The following BAZ2B variants were observed in gnomAD, a reference collection of about 807,000 sequenced individuals.
BAZ2B encodes the protein bromodomain adjacent to zinc finger domain 2B, also known as bromodomain adjacent to zinc finger domain protein 2B.
BAZ2B carries 91 observed loss-of-function variants against 246.0 expected under a neutral mutation model. The observed-to-expected ratio is 0.37, with a 90% CI of 0.31 to 0.44. The LOEUF is 0.44. Ranked by LOEUF, BAZ2B falls within the 20% of genes least tolerant of loss-of-function variation. The pLI is 1.00. For synonymous variants in BAZ2B, 855 were observed against 860.0 expected (o/e 0.99, Z 0.10); for missense variants, 2,332 against 2,533.7 (o/e 0.92, Z 1.71).
chr2:159,476,171 AG>A (rs953760139), intron 3 of BAZ2B, among the ~76,000 whole-genome samples: 2 of 152,122 alleles, frequency 1.3e-5, no homozygotes, highest in Non-Finnish European at 2.9e-5. Context: ...GCTCTGTCCC[AG>A]GGGTATGGGA....
chr2:159,612,084 T>C (rs1163565935), intron 1 of BAZ2B, among the ~76,000 whole-genome samples: 1 of 151,996 alleles, frequency 6.6e-6, no homozygotes, highest in Non-Finnish European at 1.5e-5. Flanking sequence ...AAATATAATT[T>C]CATTTTTTAA....
chr2:159,548,482 C>T (rs1400008277), intron 2 of BAZ2B, among the ~76,000 whole-genome samples: 1 of 152,016 alleles, frequency 6.6e-6, no homozygotes, highest in Non-Finnish European at 1.5e-5. Flanking sequence ...CTTTCCAAGT[C>T]TCAGTTTGGG....
intron 13 of BAZ2B, among the ~76,000 whole-genome samples, chr2:159,422,150 T>C (rs763137436): frequency 1.3e-5 from 2 of 152,142 alleles, no homozygotes; most frequent in African/African-American, 2.4e-5. Flanking sequence ...ATCAATATTG[T>C]CAAAATGGCC....
At chr2:159,326,836 T>A (rs2063782826) in intron 34 of BAZ2B, among the ~76,000 whole-genome samples, 1 of 152,108 alleles carries the variant, frequency 6.6e-6, no homozygotes, top group Admixed American at 6.6e-5. Context: ...AGAAAAAAAA[T>A]CTGCCTTTTG....
At chr2:159,477,659 GTTAAAA>G (rs1413769664) in intron 3 of BAZ2B, among the ~76,000 whole-genome samples, 1 of 152,036 alleles carries the variant, frequency 6.6e-6, no homozygotes, top group Non-Finnish European at 1.5e-5. Flanking sequence ...ATAAGAAATA[GTTAAAA>G]TTAAAATGTT....
intron 27 of BAZ2B, among the ~76,000 whole-genome samples, chr2:159,369,614 G>A (rs1324663561): frequency 6.6e-6 from 1 of 152,128 alleles, no homozygotes; most frequent in Non-Finnish European, 1.5e-5. Context: ...GATACTTCAA[G>A]TTTACATGCC....
In BAZ2B at chr2:159,405,044, A is replaced by G; in HGVS notation, c.2748T>C (p.Ala916=). The G allele has an allele frequency of 4.3e-6, 7 of 1,614,016 alleles. 1 individual carries two copies. Among genetic ancestry groups the G allele is most frequent in the Non-Finnish European group, 5.9e-6 (7 of 1,179,964 alleles). The change falls in exon 15 of 37, where the codon GCT becomes GCC. Residue 916 remains alanine, a synonymous_variant. Coordinates refer to ENST00000392783, the MANE Select transcript of BAZ2B (RefSeq NM_013450.4). The part of the protein sequence containing the change: ...KLQKQEQARV[A]KEAKKQQAIM... Reference sequence around the variant, plus strand: ...CACCTTGTTGTTTTTTGGCTTCTTTAGCAACCCGAGCCTGTTCCTGCTTTT... The same window carrying G: ...CACCTTGTTGTTTTTTGGCTTCTTTGGCAACCCGAGCCTGTTCCTGCTTTT...
chr2:159,398,658 A>C (rs2064450322), intron 18 of BAZ2B, among the ~76,000 whole-genome samples, 171 bp downstream of exon 18: 1 of 152,252 alleles, frequency 6.6e-6, no homozygotes, highest in South Asian at 2.1e-4. Flanking sequence ...ATAAAAATAC[A>C]CATACAATAT....
At chr2:159,325,516 T>C (rs1335874875) in intron 35 of BAZ2B, 137 bp downstream of exon 35, 2 of 922,256 alleles carry the variant, frequency 2.2e-6, no homozygotes, top group South Asian at 1.7e-5. Flanking sequence ...TTTACTTATA[T>C]ATTTTCTTAA....
intron 13 of BAZ2B, among the ~76,000 whole-genome samples, chr2:159,415,751 A>G (rs2067600330): frequency 6.6e-6 from 1 of 152,214 alleles, no homozygotes; most frequent in African/African-American, 2.4e-5. Flanking sequence ...ACGTTATAAC[A>G]TGATTTGCCT....
chr2:159,547,747 T>C (rs961894500), intron 2 of BAZ2B, among the ~76,000 whole-genome samples: 4 of 152,224 alleles, frequency 2.6e-5, no homozygotes, highest in African/African-American at 9.6e-5. Context: ...TATTCTCTGA[T>C]GTTTCCATAA....
intron 3 of BAZ2B, among the ~76,000 whole-genome samples, chr2:159,466,774 C>T (rs964765027): frequency 6.6e-6 from 1 of 152,288 alleles, no homozygotes; most frequent in South Asian, 2.1e-4. Flanking sequence ...GACTGATGTC[C>T]TAGATCAATC....
intron 6 of BAZ2B, among the ~76,000 whole-genome samples, chr2:159,441,583 A>G (rs1020037494): frequency 3.9e-5 from 6 of 152,226 alleles, no homozygotes; most frequent in African/African-American, 1.4e-4. Flanking sequence ...CATTTCCACA[A>G]ATAATTAGCT....
chr2:159,712,053 A>G, the BAZ2B span: 1 of 148,710 alleles, frequency 6.7e-6, no homozygotes, highest in East Asian at 2.0e-4. Context: ...GCTTGATTCA[A>G]TTCAACATTC....
At chr2:159,617,297 TTTG>T (rs1696198760), upstream of BAZ2B, among the ~76,000 whole-genome samples, 1 of 152,076 alleles carries the variant, frequency 6.6e-6, no homozygotes, top group East Asian at 1.9e-4. Context: ...CTCTTCCAAC[TTTG>T]TTTTTACCCT....
intron 2 of BAZ2B, among the ~76,000 whole-genome samples, chr2:159,510,447 G>T (rs1249684664): frequency 6.6e-6 from 1 of 152,136 alleles, no homozygotes; most frequent in Non-Finnish European, 1.5e-5. Flanking sequence ...TGGGATTCAG[G>T]CATGAGCCAC....
At chr2:159,414,372 G>A (rs1163657063) in intron 13 of BAZ2B, among the ~76,000 whole-genome samples, 3 of 152,012 alleles carry the variant, frequency 2.0e-5, no homozygotes, top group Non-Finnish European at 2.9e-5. Flanking sequence ...ACAACATGGT[G>A]ACTACAATCA....
chr2:159,324,399 A>G (rs1458719479), intron 36 of BAZ2B, among the ~76,000 whole-genome samples: 1 of 152,160 alleles, frequency 6.6e-6, no homozygotes, highest in Non-Finnish European at 1.5e-5. Flanking sequence ...ATTTGAGTCA[A>G]TTTTTGTTAA....
the BAZ2B span, among the ~76,000 whole-genome samples, chr2:159,700,919 T>C: frequency 6.6e-6 from 1 of 152,248 alleles, no homozygotes; most frequent in African/African-American, 2.4e-5. Flanking sequence ...TAAAGTGATG[T>C]CTAATTTTTA....
Sources: gnomAD v4.1 joint callset for allele counts (sites outside exome capture counted in the v4.1 genomes callset) on GRCh38, gnomAD v4.1.1 for gene constraint, MANE v1.5 for transcripts, NCBI Gene and HGNC (gene_info 2026-07-23, HGNC 2026-07-21) for gene names.